Variants in FRMD5 observed in about 807,000 individuals in gnomAD.
FRMD5 encodes FERM domain containing 5.
A neutral mutation model predicts 69.0 loss-of-function variants in FRMD5; 20 were observed. The observed-to-expected ratio is 0.29, with a 90% confidence interval of 0.20 to 0.42. The LOEUF (loss-of-function observed/expected upper bound fraction) is 0.42. Ranked by LOEUF, FRMD5 falls within the 10% of genes least tolerant of loss-of-function variation. FRMD5 has a pLI of 1.00. For synonymous variants in FRMD5, 271 were observed against 260.1 expected, an observed-to-expected ratio of 1.04 and a Z score of -0.40; for missense variants, 595 against 708.6, an observed-to-expected ratio of 0.84 and a Z score of 1.82.
chr15:44,077,363 C>T (rs903496242), intron 1 of FRMD5, among the ~76,000 whole-genome samples: 56 of 151,978 alleles, frequency 3.7e-4, no homozygotes, highest in African/African-American at 1.4e-3. Context: ...AAAATCATTA[C>T]AAAGAAATGG....
chr15:44,019,373 T>C (rs1891107155), intron 1 of FRMD5, among the ~76,000 whole-genome samples: 1 of 150,124 alleles, frequency 6.7e-6, no homozygotes, highest in Non-Finnish European at 1.5e-5. Context: ...CCCTGGAAAA[T>C]AATATCAAAG....
chr15:44,003,121 TC>T (rs1425633736), intron 1 of FRMD5, among the ~76,000 whole-genome samples: 2 of 152,198 alleles, frequency 1.3e-5, no homozygotes, highest in Non-Finnish European at 2.9e-5. Flanking sequence ...CCTGGAATCA[TC>T]CTGGAGTCTT....
intron 1 of FRMD5, among the ~76,000 whole-genome samples, chr15:44,057,278 G>C (rs1474586650): frequency 6.6e-6 from 1 of 151,104 alleles, no homozygotes; most frequent in African/African-American, 2.4e-5. Context: ...GCTAATTTTT[G>C]TATTTTTAGT....
chr15:43,919,243 C>T (rs2089449687), intron 4 of FRMD5: 2 of 694,360 alleles, frequency 2.9e-6, no homozygotes, highest in African/African-American at 1.8e-5. Flanking sequence ...AGTATTCACA[C>T]TTCTTGAAGG....
chr15:44,139,727 C>CGAA (rs2077238905), intron 1 of FRMD5, among the ~76,000 whole-genome samples: 1 of 72,026 alleles, frequency 1.4e-5, no homozygotes, highest in Non-Finnish European at 2.4e-5. Context: ...CCAGTCTCTA[C>CGAA]AAAAAAAAAA....
intron 1 of FRMD5, among the ~76,000 whole-genome samples, chr15:44,062,765 T>C (rs1467684557): frequency 2.0e-5 from 3 of 151,848 alleles, no homozygotes; most frequent in Non-Finnish European, 2.9e-5. Context: ...ATATAAGGGA[T>C]TTTGGTATCC....
At chr15:44,151,917 G>T (rs2077453316) in intron 1 of FRMD5, among the ~76,000 whole-genome samples, 1 of 152,118 alleles carries the variant, frequency 6.6e-6, no homozygotes, top group Admixed American at 6.6e-5. Flanking sequence ...TTAGTAAATG[G>T]GCAAAGGCCA....
At chr15:43,920,244 G>T (rs553358225) in intron 2 of FRMD5, among the ~76,000 whole-genome samples, 1 of 152,258 alleles carries the variant, frequency 6.6e-6, no homozygotes, top group South Asian at 2.1e-4. Context: ...TGGCAGGGGA[G>T]TGGGAATAGA....
At chr15:44,058,292 T>C (rs1206634230) in intron 1 of FRMD5, among the ~76,000 whole-genome samples, 3 of 152,120 alleles carry the variant, frequency 2.0e-5, no homozygotes, top group African/African-American at 4.8e-5. Context: ...ATGTCCAGCA[T>C]TGGCAAATCT....
rs2088726819 is a variant in FRMD5, at chr15:43,888,838, T to C, written c.763A>G (p.Thr255Ala). ...TTCTGACTTACGTATAAATAGAAAG[T>C]CTTTCCTTCAAATTTCAGCTTGGTC... ...EVTKLKFEGK[T>A]FYLYVSQKEE... The change falls in exon 9 of 14, where the codon ACT (threonine) becomes GCT (alanine). Residue 255 changes from threonine (T) to alanine (A), a missense_variant. Physicochemically the swap from Thr to Ala is moderately conservative, Grantham distance 58 (BLOSUM62 0). Around this residue, in one of 5 missense-constraint regions of FRMD5, gnomAD observed 176 missense variants for 266.3 expected, o/e 0.66. Transcript: ENST00000417257. The C allele has an allele frequency of 1.2e-6, 2 of 1,614,012 alleles. No individual in the cohort carries two copies. The highest frequency in any genetic ancestry group is 1.7e-6 in the Non-Finnish European group (2 of 1,179,922).
Position 43,873,629 on chromosome 15 carries a change from A to C in FRMD5, c.*256T>G. On this transcript the variant is annotated 3_prime_UTR_variant, in exon 14 of 14. Coordinates refer to ENST00000417257, the MANE Select transcript of FRMD5 (RefSeq NM_032892.5). ...CCAAAAATTATCCTGCAAATTGGAA[A>C]GATGAGAAACAGAGTCGCTGAGCCT... The C allele has an allele frequency of 6.8e-7, 1 of 1,473,546 alleles. No individual in the cohort carries two copies. The highest frequency in any genetic ancestry group is 8.9e-7 in the Non-Finnish European group (1 of 1,123,114). The allele number at this position is 1,473,546 out of a possible 1,614,324, so 91.3% of individuals were successfully genotyped here. A position where few individuals can be genotyped will look rare whatever the true frequency, so the allele number is the denominator to read the frequency against.
chr15:43,933,979 T>C (rs2089718515), intron 1 of FRMD5, among the ~76,000 whole-genome samples: 2 of 152,218 alleles, frequency 1.3e-5, no homozygotes, highest in African/African-American at 4.8e-5. Flanking sequence ...TCCTGGCCTT[T>C]GGGCTCTCTT....
chr15:43,906,256 G>A (rs2089168957), intron 5 of FRMD5, among the ~76,000 whole-genome samples: 1 of 152,212 alleles, frequency 6.6e-6, no homozygotes. Context: ...CCTGCACTAT[G>A]GTCCTCATCC....
intron 1 of FRMD5, among the ~76,000 whole-genome samples, chr15:43,995,471 G>A (rs1264132234): frequency 6.6e-6 from 1 of 152,056 alleles, no homozygotes; most frequent in South Asian, 2.1e-4. Flanking sequence ...CACAGGAGCT[G>A]GCCTGGAGCA....
chr15:43,919,282 TGA>T (rs1206965586), intron 4 of FRMD5, 175 bp downstream of exon 4: 2 of 764,580 alleles, frequency 2.6e-6, no homozygotes, highest in Non-Finnish European at 4.9e-6. Context: ...GCGACTGCAC[TGA>T]GGGGTACGCG....
At chr15:43,888,973 GCA>G in intron 8 of FRMD5, 101 bp from the exon 9 acceptor site, 2 of 956,444 alleles carry the variant, frequency 2.1e-6, no homozygotes, top group Non-Finnish European at 3.3e-6. Flanking sequence ...GGGGCTCCAG[GCA>G]CAGACACAAT....
At chr15:43,971,488 A>G (rs1431031749) in intron 1 of FRMD5, among the ~76,000 whole-genome samples, 2 of 151,576 alleles carry the variant, frequency 1.3e-5, no homozygotes. Context: ...GTTCAAGACC[A>G]GCCTGATCAA....
intron 1 of FRMD5, among the ~76,000 whole-genome samples, chr15:43,998,564 A>G (rs928687374): frequency 2.6e-5 from 4 of 152,192 alleles, no homozygotes; most frequent in African/African-American, 9.7e-5. Context: ...TGTCATGACC[A>G]TTAGGCTCTC....
At chr15:44,122,271 A>G (rs1472282001) in intron 1 of FRMD5, among the ~76,000 whole-genome samples, 1 of 152,148 alleles carries the variant, frequency 6.6e-6, no homozygotes, top group Non-Finnish European at 1.5e-5. Flanking sequence ...CTAAGTTTTG[A>G]AAAGATAATA....
Sources: allele counts gnomAD v4.1 joint callset (sites outside exome capture counted in the v4.1 genomes callset), GRCh38; gene constraint gnomAD v4.1.1; regional missense constraint gnomAD v4.1.1; transcripts MANE v1.5; gene names NCBI Gene and HGNC (gene_info 2026-07-23, HGNC 2026-07-21).